PRH1: variants seen among roughly 807,000 people sequenced by gnomAD.
PRH1 encodes salivary acidic proline-rich phosphoprotein 1/2.
PRH1 carries 7 observed loss-of-function variants against 7.9 expected under a neutral mutation model. The ratio of observed to expected loss-of-function variants is 0.89; its 90% CI spans 0.50 to 1.67. The LOEUF (loss-of-function observed/expected upper bound fraction) is 1.67. Ranked by LOEUF, PRH1 falls within the 40% of genes most tolerant of loss-of-function variation. The pLI, the probability that PRH1 is intolerant of heterozygous loss-of-function variation, is 0.00. For synonymous variants in PRH1, 45 were observed against 80.8 expected (o/e 0.56, Z 2.38); for missense variants, 109 against 223.6 (o/e 0.49, Z 3.27).
chr12:11,015,598 CAA>C (rs1290578300), intron 1 of PRH1, among the ~76,000 whole-genome samples: 3 of 152,118 alleles, frequency 2.0e-5, no homozygotes, highest in African/African-American at 7.2e-5. Flanking sequence ...TCTGGGTACT[CAA>C]AAGACACTGC....
At position 11,103,162 on chromosome 12, in the gene PRH1, G is replaced by A. The variant is rs187579513; in HGVS notation, n.124-55974C>T. Among the ~76,000 whole-genome samples, 4 of 152,174 alleles carry A rather than the reference G, an allele frequency of 2.6e-5. No homozygotes were observed. In the East Asian group the frequency reaches 7.7e-4, roughly 29 times the overall value. ...TCCTCAGGGATATAGAACTAGAAAT[G>A]CCATTTGACCCAGCCATCCCATTAC... On this transcript the variant is annotated intron_variant and non_coding_transcript_variant, in intron 1 of 4. Transcript: ENST00000541977.
chr12:10,892,340 G>C (rs1949586331), intron 2 of PRH1, among the ~76,000 whole-genome samples: 1 of 152,236 alleles, frequency 6.6e-6, no homozygotes. Context: ...TTTCTTCCTG[G>C]ACAGAACTAA....
chr12:10,936,152 C>G (rs1237074768), intron 2 of PRH1, among the ~76,000 whole-genome samples: 1 of 151,810 alleles, frequency 6.6e-6, no homozygotes, highest in African/African-American at 2.4e-5. Flanking sequence ...CCCGCCCCCA[C>G]ACACATACAC....
intron 2 of PRH1, among the ~76,000 whole-genome samples, chr12:10,952,331 A>C (rs1184090439): frequency 6.6e-6 from 1 of 152,240 alleles, no homozygotes; most frequent in Admixed American, 6.5e-5. Flanking sequence ...ACCTGAAATG[A>C]AATCCAGCAC....
intron 1 of PRH1, among the ~76,000 whole-genome samples, chr12:11,076,437 T>G (rs9697472): frequency 8.0e-6 from 1 of 125,696 alleles, no homozygotes; most frequent in Non-Finnish European, 1.8e-5. Flanking sequence ...TTTTTTAAGA[T>G]AGAGAATATT....
chr12:11,029,358 T>C (rs3983343), intron 1 of PRH1, among the ~76,000 whole-genome samples: 1 of 152,214 alleles, frequency 6.6e-6, no homozygotes, highest in Admixed American at 6.5e-5. Flanking sequence ...ACAGATTTCA[T>C]AGATACTTTT....
intron 1 of PRH1, chr12:11,133,151 A>T (rs140979402): frequency 9.9e-7 from 1 of 1,012,628 alleles, no homozygotes; most frequent in Admixed American, 3.3e-5. Flanking sequence ...ACATCTATAT[A>T]TATGTACTTT....
rs867012147 is a variant in PRH1 at position 11,031,461 on chromosome 12, G to A, written c.-126+15559C>T. The A allele has an allele frequency of 8.6e-6, 9 of 1,043,512 alleles. 1 individual carries two copies. In the Middle Eastern group the frequency reaches 9.8e-4, roughly 113 times the overall value. The allele number at this position is 1,043,512 out of a possible 1,614,324, so 64.6% of individuals were successfully genotyped here. A position where few individuals can be genotyped will look rare whatever the true frequency, so the allele number is the denominator to read the frequency against. On this transcript the variant is annotated intron_variant, in intron 1 of 3. Coordinates refer to the PRH1 transcript ENST00000539853. ...ACCGACCTTCACGGTGAGTGTTGCT[G>A]CTCTTAAAGATGGCATGGACCCAAA...
chr12:11,147,147 T>A (rs966606547), intron 1 of PRH1, among the ~76,000 whole-genome samples: 9 of 151,336 alleles, frequency 5.9e-5, no homozygotes, highest in South Asian at 2.1e-4. Context: ...TAGAAAGAAA[T>A]TATATTTTAT....
intron 2 of PRH1, among the ~76,000 whole-genome samples, chr12:10,933,355 T>C (rs1030142379): frequency 1.3e-5 from 2 of 152,084 alleles, no homozygotes; most frequent in African/African-American, 4.8e-5. Flanking sequence ...CATGGAAGAT[T>C]CCTCATTAAC....
At chr12:10,887,525 CTT>C (rs35193707), upstream of PRH1, among the ~76,000 whole-genome samples, 5 of 139,150 alleles carry the variant, frequency 3.6e-5, no homozygotes, top group Non-Finnish European at 7.7e-5. Flanking sequence ...TAGCATATTT[CTT>C]TTTTTTTTTT....
chr12:11,068,199 C>T (rs1182245808), intron 1 of PRH1, among the ~76,000 whole-genome samples: 2 of 150,498 alleles, frequency 1.3e-5, no homozygotes, highest in African/African-American at 2.4e-5. Flanking sequence ...TGATATTTCC[C>T]GTTTATCTCC....
chr12:11,058,948 C>T (rs78034001), intron 1 of PRH1, among the ~76,000 whole-genome samples: 1 of 152,184 alleles, frequency 6.6e-6, no homozygotes, highest in Non-Finnish European at 1.5e-5. Flanking sequence ...TCCTATTCCC[C>T]TGGCCAGCAC....
chr12:11,002,964 C>A (rs1416806096), intron 1 of PRH1, among the ~76,000 whole-genome samples: 3 of 151,834 alleles, frequency 2.0e-5, no homozygotes, highest in Admixed American at 1.3e-4. Flanking sequence ...AATATTTGTA[C>A]CTTATGAAAA....
chr12:11,072,859 T>A (rs750860167), intron 1 of PRH1, among the ~76,000 whole-genome samples: 2 of 119,362 alleles, frequency 1.7e-5, no homozygotes, highest in Admixed American at 8.3e-5. Context: ...AAAGTGCTGC[T>A]TCACTGTTTT....
chr12:11,169,435 C>T (rs1480276184), intron 1 of PRH1, among the ~76,000 whole-genome samples: 1 of 152,154 alleles, frequency 6.6e-6, no homozygotes, highest in Non-Finnish European at 1.5e-5. Flanking sequence ...ATTCCCGTCC[C>T]ATTGGAATAG....
At chr12:11,061,396 C>G in intron 1 of PRH1, 1 of 1,613,794 alleles carries the variant, frequency 6.2e-7, no homozygotes, top group Non-Finnish European at 8.5e-7. Context: ...TCCTTTCACC[C>G]AGTACCTCAC....
intron 2 of PRH1, among the ~76,000 whole-genome samples, chr12:10,972,156 T>C (rs1938846103): frequency 6.6e-6 from 1 of 152,290 alleles, no homozygotes; most frequent in Admixed American, 6.5e-5. Flanking sequence ...ACATTTAATA[T>C]AGGTGTCATG....
intron 1 of PRH1, among the ~76,000 whole-genome samples, chr12:11,124,662 G>A (rs542673221): frequency 2.1e-5 from 3 of 146,104 alleles, no homozygotes; most frequent in East Asian, 2.1e-4. Flanking sequence ...TCCAAATTAT[G>A]TATGTAAATA....
Sources: allele counts gnomAD v4.1 joint callset (sites outside exome capture counted in the v4.1 genomes callset), GRCh38; gene constraint gnomAD v4.1.1; transcripts MANE v1.5; gene names NCBI Gene and HGNC (gene_info 2026-07-23, HGNC 2026-07-21).